The following RSPO2 variants were observed in gnomAD, a reference collection of about 807,000 sequenced individuals.
The protein encoded by RSPO2 is R-spondin-2.
Under a neutral mutation model 30.9 loss-of-function variants are expected in RSPO2, and 14 were observed. That is an observed-to-expected ratio of 0.45 (90% confidence interval 0.30 to 0.71). The LOEUF is 0.71. Among genes scored for constraint, RSPO2 ranks in the 30% least tolerant of loss-of-function variants. The pLI, the probability that RSPO2 is intolerant of heterozygous loss-of-function variation, is 0.08. For missense variants in RSPO2, 264 were observed against 301.9 expected, an observed-to-expected ratio of 0.87 and a Z score of 0.93; for synonymous variants, 107 against 96.4, an observed-to-expected ratio of 1.11 and a Z score of -0.64.
At chr8:108,004,690 G>C (rs556352307) in intron 2 of RSPO2, among the ~76,000 whole-genome samples, 6 of 152,130 alleles carry the variant, frequency 3.9e-5, no homozygotes, top group Non-Finnish European at 8.8e-5. Flanking sequence ...TATGTAGCCA[G>C]ATATGTATAT....
intron 5 of RSPO2, among the ~76,000 whole-genome samples, chr8:107,906,180 T>C (rs1811632895): frequency 6.6e-6 from 1 of 152,016 alleles, no homozygotes; most frequent in Non-Finnish European, 1.5e-5. Context: ...TCTAGGACTC[T>C]ATCCCTCAGA....
At chr8:108,011,156 G>A (rs1305475170) in intron 2 of RSPO2, among the ~76,000 whole-genome samples, 76 of 95,092 alleles carry the variant, frequency 8.0e-4, no homozygotes, top group African/African-American at 1.1e-3. Flanking sequence ...AAAAAAGAAA[G>A]AAAGAAAGAA....
intron 3 of RSPO2, among the ~76,000 whole-genome samples, chr8:107,963,891 CT>C (rs1442017857): frequency 2.6e-5 from 4 of 152,104 alleles, no homozygotes; most frequent in African/African-American, 9.7e-5. Flanking sequence ...AATTATACCC[CT>C]GATTTAATAA....
intron 5 of RSPO2, among the ~76,000 whole-genome samples, chr8:107,932,351 A>G (rs1316959684): frequency 6.6e-6 from 1 of 152,148 alleles, no homozygotes; most frequent in Non-Finnish European, 1.5e-5. Flanking sequence ...GGTTGTGGCT[A>G]AAGTGAGTAG....
chr8:107,993,192 T>A (rs1357846029), intron 2 of RSPO2, among the ~76,000 whole-genome samples: 1 of 152,184 alleles, frequency 6.6e-6, no homozygotes, highest in Admixed American at 6.5e-5. Flanking sequence ...AAGACTAATG[T>A]AAATTAAAAT....
chr8:108,064,479 T>G (rs1015335755), intron 2 of RSPO2, among the ~76,000 whole-genome samples: 1 of 152,106 alleles, frequency 6.6e-6, no homozygotes, highest in Non-Finnish European at 1.5e-5. Context: ...TGAGATACCA[T>G]CTCACACCAT....
At chr8:108,017,704 CT>C (rs1810938066) in intron 2 of RSPO2, among the ~76,000 whole-genome samples, 1 of 152,102 alleles carries the variant, frequency 6.6e-6, no homozygotes, top group African/African-American at 2.4e-5. Context: ...GTGTGTACAA[CT>C]TTGATAAAAA....
intron 2 of RSPO2, among the ~76,000 whole-genome samples, chr8:108,052,644 C>T (rs554664132): frequency 3.9e-5 from 6 of 152,052 alleles, no homozygotes; most frequent in Non-Finnish European, 7.4e-5. Context: ...TAATGGTCAC[C>T]GCACACTTGC....
At chr8:107,967,657 T>G (rs896051147) in intron 3 of RSPO2, among the ~76,000 whole-genome samples, 14 of 152,198 alleles carry the variant, frequency 9.2e-5, no homozygotes, top group Non-Finnish European at 1.9e-4. Context: ...AAAGTCTGTT[T>G]ATAACCCAGT....
chr8:107,924,999 A>G (rs1368193223), intron 5 of RSPO2, among the ~76,000 whole-genome samples: 1 of 152,132 alleles, frequency 6.6e-6, no homozygotes, highest in African/African-American at 2.4e-5. Context: ...TAAGATCACT[A>G]TCCTGCACTC....
intron 3 of RSPO2, among the ~76,000 whole-genome samples, chr8:107,970,253 A>G (rs1813948768): frequency 6.6e-6 from 1 of 152,214 alleles, no homozygotes; most frequent in African/African-American, 2.4e-5. Context: ...GACATTTAAA[A>G]GTTAATATCA....
chr8:108,020,818 G>A (rs760846962), intron 2 of RSPO2, among the ~76,000 whole-genome samples: 7 of 152,056 alleles, frequency 4.6e-5, no homozygotes, highest in Non-Finnish European at 1.0e-4. Context: ...ATCACTCTGA[G>A]GCACGCTGGA....
intron 2 of RSPO2, among the ~76,000 whole-genome samples, chr8:108,053,525 A>G (rs1812139573): frequency 6.6e-6 from 1 of 152,204 alleles, no homozygotes; most frequent in African/African-American, 2.4e-5. Context: ...GAAAAAGCCA[A>G]TGATTTACAC....
chr8:108,044,106 C>G (rs1032666013), intron 2 of RSPO2, among the ~76,000 whole-genome samples: 4 of 151,406 alleles, frequency 2.6e-5, no homozygotes, highest in African/African-American at 9.7e-5. Flanking sequence ...TGCCACTATC[C>G]TACCTAAAGT....
At chr8:107,986,678 C>T (rs78514882) in intron 3 of RSPO2, among the ~76,000 whole-genome samples, 4,123 of 152,232 alleles carry the variant, frequency 0.027, 147 homozygotes, top group African/African-American at 0.081. Flanking sequence ...ATTATACGGC[C>T]ACCCTATTGT....
intron 2 of RSPO2, chr8:108,082,044 G>T: frequency 2.9e-6 from 1 of 345,966 alleles, no homozygotes; most frequent in Non-Finnish European, 4.1e-6. Flanking sequence ...ACACACGCTT[G>T]GGTACACCCA....
At chr8:108,054,662 C>A (rs560053301) in intron 2 of RSPO2, among the ~76,000 whole-genome samples, 1 of 152,302 alleles carries the variant, frequency 6.6e-6, no homozygotes, top group South Asian at 2.1e-4. Flanking sequence ...GTGGATACAA[C>A]AGAGCAGAGC....
chr8:107,965,207 C>A (rs913146300), intron 3 of RSPO2, among the ~76,000 whole-genome samples: 2 of 152,132 alleles, frequency 1.3e-5, no homozygotes, highest in African/African-American at 4.8e-5. Context: ...TACAGTGCCT[C>A]CTCAAAAATG....
intron 2 of RSPO2, among the ~76,000 whole-genome samples, chr8:108,024,282 A>G (rs891089812): frequency 6.6e-6 from 1 of 152,218 alleles, no homozygotes; most frequent in Non-Finnish European, 1.5e-5. Context: ...CCTACAGACT[A>G]CTGGAAGCAA....
Sources: allele counts gnomAD v4.1 joint callset (sites outside exome capture counted in the v4.1 genomes callset), GRCh38; gene constraint gnomAD v4.1.1; transcripts MANE v1.5; gene names NCBI Gene and HGNC (gene_info 2026-07-23, HGNC 2026-07-21).